The following MAGI2 variants were observed in gnomAD, a reference collection of about 807,000 sequenced individuals.
MAGI2 encodes the protein membrane associated guanylate kinase, WW and PDZ domain containing 2.
Under a neutral mutation model 133.3 loss-of-function variants are expected in MAGI2, and 35 were observed. The ratio of observed to expected loss-of-function variants is 0.26; its 90% confidence interval spans 0.20 to 0.35. The LOEUF (loss-of-function observed/expected upper bound fraction) is 0.35. Among genes scored for constraint, MAGI2 ranks in the 10% least tolerant of loss-of-function variants. MAGI2 has a pLI of 1.00. For synonymous variants in MAGI2, 729 were observed against 710.6 expected, an observed-to-expected ratio of 1.03 and a Z score of -0.41; for missense variants, 1,636 against 1,863.4, an observed-to-expected ratio of 0.88 and a Z score of 2.25.
chr7:78,089,857 C>T (rs1156475244), intron 20 of MAGI2, among the ~76,000 whole-genome samples: 1 of 152,104 alleles, frequency 6.6e-6, no homozygotes, highest in East Asian at 1.9e-4. Flanking sequence ...TCTGATTTTG[C>T]CTCACTCCTC....
At chr7:78,411,451 A>G (rs975882144) in intron 6 of MAGI2, among the ~76,000 whole-genome samples, 6 of 152,020 alleles carry the variant, frequency 3.9e-5, no homozygotes, top group Non-Finnish European at 8.8e-5. Flanking sequence ...GTCGTATACC[A>G]ACAATAAAAT....
intron 1 of MAGI2, among the ~76,000 whole-genome samples, chr7:79,256,438 T>C (rs1833684279): frequency 6.6e-6 from 1 of 151,872 alleles, no homozygotes; most frequent in African/African-American, 2.4e-5. Context: ...GCTGAAATTT[T>C]AAATAAATGC....
At chr7:79,404,614 A>G (rs1202172009) in intron 1 of MAGI2, among the ~76,000 whole-genome samples, 1 of 152,106 alleles carries the variant, frequency 6.6e-6, no homozygotes, top group Admixed American at 6.5e-5. Flanking sequence ...CTCTCATTCT[A>G]GGAAACATAT....
At chr7:79,353,858 G>C (rs1156839635) in intron 1 of MAGI2, 1 of 198,686 alleles carries the variant, frequency 5.0e-6, no homozygotes, top group Non-Finnish European at 1.1e-5. Flanking sequence ...CCCTGCTTAT[G>C]CTTCAGTGGC....
intron 10 of MAGI2, among the ~76,000 whole-genome samples, chr7:78,220,912 C>T (rs926790383): frequency 2.0e-5 from 3 of 152,170 alleles, no homozygotes; most frequent in African/African-American, 7.2e-5. Flanking sequence ...CATTTGTAGA[C>T]ATTTTATGCC....
At chr7:79,198,684 T>G (rs1304812667) in intron 1 of MAGI2, among the ~76,000 whole-genome samples, 1 of 151,908 alleles carries the variant, frequency 6.6e-6, no homozygotes, top group Non-Finnish European at 1.5e-5. Context: ...GTTAGGGGTT[T>G]GAGACCAGCC....
At chr7:78,124,272 G>A (rs1820746825) in intron 20 of MAGI2, among the ~76,000 whole-genome samples, 1 of 152,216 alleles carries the variant, frequency 6.6e-6, no homozygotes, top group Admixed American at 6.5e-5. Context: ...TGTAGAGCCA[G>A]GAAACCATGT....
At chr7:79,069,575 G>T (rs930785917) in intron 1 of MAGI2, among the ~76,000 whole-genome samples, 1 of 151,944 alleles carries the variant, frequency 6.6e-6, no homozygotes, top group Admixed American at 6.6e-5. Flanking sequence ...TCTTTTAATT[G>T]GGGCAATTAC....
At chr7:79,167,163 T>TG (rs1825012597) in intron 1 of MAGI2, among the ~76,000 whole-genome samples, 1 of 1,364 alleles carries the variant, frequency 7.3e-4, no homozygotes, top group Admixed American at 6.5e-3. Context: ...TTTATATAAT[T>TG]TTGTGGGGGT....
intron 6 of MAGI2, among the ~76,000 whole-genome samples, chr7:78,454,281 T>C (rs1012758300): frequency 6.6e-5 from 10 of 152,330 alleles, no homozygotes; most frequent in Admixed American, 3.9e-4. Flanking sequence ...TTATGATCCA[T>C]AGACTCTACC....
At chr7:78,163,977 G>A (rs551165402) in intron 15 of MAGI2, among the ~76,000 whole-genome samples, 1 of 151,956 alleles carries the variant, frequency 6.6e-6, no homozygotes, top group Admixed American at 6.6e-5. Flanking sequence ...CTGATTTCCA[G>A]TTTTTCTTGA....
At chr7:78,876,982 C>A (rs1413058071) in intron 2 of MAGI2, among the ~76,000 whole-genome samples, 1 of 151,976 alleles carries the variant, frequency 6.6e-6, no homozygotes, top group Non-Finnish European at 1.5e-5. Flanking sequence ...CAGATTGCTC[C>A]AGCTTTGGTC....
chr7:79,070,793 T>C (rs1267602232), intron 1 of MAGI2, among the ~76,000 whole-genome samples: 1 of 152,050 alleles, frequency 6.6e-6, no homozygotes, highest in Non-Finnish European at 1.5e-5. Flanking sequence ...GCCCAGCCCA[T>C]CAGGTCATTT....
intron 2 of MAGI2, among the ~76,000 whole-genome samples, chr7:78,819,447 G>A (rs139051075): frequency 6.6e-6 from 1 of 151,916 alleles, no homozygotes; most frequent in East Asian, 1.9e-4. Context: ...TAGGTTTATC[G>A]GGAAATATCT....
At chr7:78,808,874 C>T (rs1011445399) in intron 2 of MAGI2, among the ~76,000 whole-genome samples, 3 of 152,152 alleles carry the variant, frequency 2.0e-5, no homozygotes, top group African/African-American at 7.2e-5. Flanking sequence ...TGTGATAAAG[C>T]TACATGACCC....
chr7:78,254,150 G>A (rs970597885), intron 10 of MAGI2: 1 of 152,194 alleles, frequency 6.6e-6, no homozygotes, highest in African/African-American at 2.4e-5. Flanking sequence ...AAGGAAAAGT[G>A]AGAATGGGGT....
chr7:78,699,536 T>C (rs1238938379), intron 2 of MAGI2, among the ~76,000 whole-genome samples: 3 of 152,204 alleles, frequency 2.0e-5, no homozygotes, highest in Non-Finnish European at 4.4e-5. Flanking sequence ...TCGCATTATG[T>C]ATATGCAGAT....
At chr7:79,391,528 T>G (rs868554815) in intron 1 of MAGI2, among the ~76,000 whole-genome samples, 47 of 91,238 alleles carry the variant, frequency 5.2e-4, no homozygotes, top group African/African-American at 1.5e-3. Flanking sequence ...TATATATATA[T>G]ATATATATAG....
At chr7:78,689,767 C>T (rs954006697) in intron 2 of MAGI2, among the ~76,000 whole-genome samples, 15 of 129,918 alleles carry the variant, frequency 1.2e-4, no homozygotes, top group African/African-American at 3.9e-4. Context: ...AATTCATTCC[C>T]TTTTATTAAG....
Sources: gnomAD v4.1 joint callset for allele counts (sites outside exome capture counted in the v4.1 genomes callset) on GRCh38, gnomAD v4.1.1 for gene constraint, MANE v1.5 for transcripts, NCBI Gene and HGNC (gene_info 2026-07-23, HGNC 2026-07-21) for gene names.